Variants in CEP70 observed in about 807,000 individuals in gnomAD.
The protein encoded by CEP70 is centrosomal protein of 70 kDa.
Under a neutral mutation model 90.9 loss-of-function variants are expected in CEP70, and 70 were observed. The ratio of observed to expected loss-of-function variants is 0.77; its 90% confidence interval spans 0.64 to 0.94. CEP70 has a LOEUF of 0.94. Among genes scored for constraint, CEP70 ranks in the 40% least tolerant of loss-of-function variants. The probability of loss-of-function intolerance (pLI) is 0.00; values close to 1 mark genes in which losing one functional copy is unlikely to be tolerated. For synonymous variants in CEP70, 220 were observed against 228.3 expected (o/e 0.96, Z 0.33); for missense variants, 648 against 669.0 (o/e 0.97, Z 0.35).
intron 2 of CEP70, among the ~76,000 whole-genome samples, chr3:138,577,196 G>A (rs2041587839): frequency 6.6e-6 from 1 of 152,156 alleles, no homozygotes. Context: ...GGCCTGTCGT[G>A]GGGTGGGGGG....
At chr3:138,570,210 C>A (rs529455661) in intron 6 of CEP70, 108 bp downstream of exon 6, 2 of 661,482 alleles carry the variant, frequency 3.0e-6, no homozygotes, top group Non-Finnish European at 4.9e-6. Flanking sequence ...CAGTGATAAG[C>A]CAAAAAAGGT....
Position 138,571,342 on chromosome 3 carries a change from T to C in CEP70, c.84A>G (p.Glu28=). ...TCAATAGCACATTTATGCTTTCCCATTCTGCTTCTTCCTGCTACAATTACA... is the reference window on the plus strand; with the variant it reads ...TCAATAGCACATTTATGCTTTCCCACTCTGCTTCTTCCTGCTACAATTACA... ...LMTEKQQEEA[E]WESINVLLMM... Residue 28 remains glutamate (E), a synonymous_variant, in exon 4 of 18, where the codon GAA becomes GAG. Transcript: ENST00000264982. 6.2e-7 allele frequency: 1 copy of C among 1,606,768 alleles called. No homozygotes were observed. The highest frequency in any genetic ancestry group is 8.5e-7 in the Non-Finnish European group (1 of 1,175,156).
chr3:138,531,486 A>G (rs1317273457), intron 8 of CEP70: 2 of 152,086 alleles, frequency 1.3e-5, no homozygotes, highest in African/African-American at 4.8e-5. Flanking sequence ...ATTCATTTAC[A>G]TATTATCTGT....
intron 6 of CEP70, among the ~76,000 whole-genome samples, chr3:138,556,288 C>T (rs143890487): frequency 9.9e-5 from 15 of 152,132 alleles, no homozygotes; most frequent in Admixed American, 3.3e-4. Context: ...CCAACACTTT[C>T]GGAGGCTAAG....
intron 2 of CEP70, 174 bp from the exon 3 acceptor site, chr3:138,573,106 G>T (rs185834830): frequency 3.2e-4 from 188 of 588,206 alleles, no homozygotes; most frequent in Non-Finnish European, 4.5e-4. Flanking sequence ...TTCTTAGATA[G>T]CTGATTGTAA....
chr3:138,561,576 G>A (rs1231645568), intron 6 of CEP70, among the ~76,000 whole-genome samples: 1 of 152,092 alleles, frequency 6.6e-6, no homozygotes, highest in Non-Finnish European at 1.5e-5. Flanking sequence ...CAGAAGGTGG[G>A]TAATAACAAA....
intron 2 of CEP70, among the ~76,000 whole-genome samples, chr3:138,591,559 C>A (rs904171172): frequency 1.3e-5 from 2 of 152,140 alleles, no homozygotes; most frequent in Admixed American, 1.3e-4. Flanking sequence ...AAGTACTCAG[C>A]TCACGAGTTA....
In CEP70 at chr3:138,571,047, T is replaced by C. The variant is rs747811488; in HGVS notation, c.271A>G (p.Asn91Asp). 6.3e-7 allele frequency: 1 copy of C among 1,586,910 alleles called. No homozygotes were observed. The highest frequency in any genetic ancestry group is 1.2e-5 in the South Asian group (1 of 84,318). Residue 91 changes from asparagine (N) to aspartate (D), a missense_variant, in exon 5 of 18, where the codon AAT (asparagine) becomes GAT (aspartate). Coordinates refer to ENST00000264982, the MANE Select transcript of CEP70 (RefSeq NM_024491.4). ...CCATTTTCTCACCTAAGCTGTTGAT[T>C]AGTTTCTATAAGCTCCTGTATCATG... ...QNMIQELIET[N>D]QQLRNELQLE...
intron 11 of CEP70, among the ~76,000 whole-genome samples, chr3:138,515,814 T>TAA (rs1297981850): frequency 1.3e-5 from 2 of 152,190 alleles, no homozygotes; most frequent in African/African-American, 4.8e-5. Flanking sequence ...TCAATTCTCA[T>TAA]TATTGCCTTC....
rs2034880038 is a variant in CEP70, at chr3:138,505,290, C to T, written c.1221+5G>A. 6.3e-7 allele frequency: 1 copy of T among 1,597,676 alleles called. No homozygotes were observed. Among genetic ancestry groups the T allele is most frequent in the Non-Finnish European group, 8.5e-7 (1 of 1,172,670 alleles). On this transcript the variant is annotated splice_donor_5th_base_variant and intron_variant, in intron 13 of 17. Transcript: ENST00000264982. ...CAAAGCATATAATCATAGTCAACCC[C>T]TTACCTTTAAGGATGTCAGTTGATC...
intron 11 of CEP70, among the ~76,000 whole-genome samples, chr3:138,518,463 G>A (rs992692665): frequency 3.3e-5 from 5 of 152,156 alleles, no homozygotes; most frequent in Admixed American, 6.5e-5. Context: ...TCACACAGCC[G>A]GGTACTCCTC....
chr3:138,513,357 G>A (rs1475283798), intron 11 of CEP70, among the ~76,000 whole-genome samples: 14 of 152,166 alleles, frequency 9.2e-5, no homozygotes. Flanking sequence ...CTTAGACTGA[G>A]GCATGTGTCA....
At chr3:138,564,782 A>C (rs562506061) in intron 6 of CEP70, among the ~76,000 whole-genome samples, 8 of 152,138 alleles carry the variant, frequency 5.3e-5, no homozygotes, top group Admixed American at 1.3e-4. Context: ...TTTGAAAACC[A>C]GCACAAAACA....
chr3:138,516,230 C>T (rs1032608186), intron 11 of CEP70, among the ~76,000 whole-genome samples: 1 of 152,134 alleles, frequency 6.6e-6, no homozygotes, highest in Admixed American at 6.5e-5. Flanking sequence ...CAACCAGTGC[C>T]TAGAATGCCA....
In CEP70 at chr3:138,494,398, G is replaced by A. The variant is rs2033847007; in HGVS notation, c.*617C>T. The A allele has an allele frequency of 6.6e-6, 1 of 152,172 alleles. No individual in the cohort carries two copies. The allele number at this position is 152,172 out of a possible 1,614,324, so 9.4% of individuals were successfully genotyped here. On this transcript the variant is annotated 3_prime_UTR_variant, in exon 18 of 18. Coordinates refer to ENST00000264982, the MANE Select transcript of CEP70 (RefSeq NM_024491.4). Reference sequence around the variant, plus strand: ...GAGATCTCAAGTCCTTATAAAAAGTGCATTACATCAAGATTGCAAAAGACA... The same window carrying A: ...GAGATCTCAAGTCCTTATAAAAAGTACATTACATCAAGATTGCAAAAGACA...
chr3:138,580,020 C>T (rs1187782902), intron 2 of CEP70, among the ~76,000 whole-genome samples: 2 of 151,984 alleles, frequency 1.3e-5, no homozygotes, highest in African/African-American at 4.8e-5. Context: ...GTAGCATTCA[C>T]CAGCTGACTA....
chr3:138,572,706 T>C (rs186413575), intron 3 of CEP70, among the ~76,000 whole-genome samples, 153 bp downstream of exon 3: 1 of 152,340 alleles, frequency 6.6e-6, no homozygotes, highest in East Asian at 1.9e-4. Flanking sequence ...TGTGAAGTCT[T>C]AGAGTAATTA....
intron 2 of CEP70, among the ~76,000 whole-genome samples, chr3:138,591,058 A>G (rs966916486): frequency 6.6e-6 from 1 of 152,208 alleles, no homozygotes; most frequent in African/African-American, 2.4e-5. Flanking sequence ...AAAGTAAAGG[A>G]AATGCTAACC....
chr3:138,556,649 G>A (rs564457453), intron 6 of CEP70, among the ~76,000 whole-genome samples: 1 of 151,752 alleles, frequency 6.6e-6, no homozygotes, highest in South Asian at 2.1e-4. Flanking sequence ...GAGTACAAAA[G>A]AGAGAAATTT....
Sources: allele counts gnomAD v4.1 joint callset (sites outside exome capture counted in the v4.1 genomes callset), GRCh38; gene constraint gnomAD v4.1.1; transcripts MANE v1.5; gene names NCBI Gene and HGNC (gene_info 2026-07-23, HGNC 2026-07-21).